The following ZCCHC17 variants were observed in gnomAD, a reference collection of about 807,000 sequenced individuals.
The protein encoded by ZCCHC17 is zinc finger CCHC domain-containing protein 17.
A neutral mutation model predicts 30.6 loss-of-function variants in ZCCHC17; 18 were observed. That is an observed-to-expected ratio of 0.59 (90% CI 0.41 to 0.87). The LOEUF is 0.87. Ranked by LOEUF, ZCCHC17 falls within the 40% of genes least tolerant of loss-of-function variation. The probability of loss-of-function intolerance (pLI) is 0.00; values close to 1 mark genes in which losing one functional copy is unlikely to be tolerated. For synonymous variants in ZCCHC17, 88 were observed against 92.4 expected (o/e 0.95, Z 0.27); for missense variants, 263 against 284.2 (o/e 0.93, Z 0.54).
rs927703498 is a variant in ZCCHC17 at position 31,319,643 on chromosome 1, A to G, written c.124+477A>G. 8.0e-4 allele frequency among the ~76,000 whole-genome samples: 122 copies of G among 152,164 alleles called. 1 individual carries two copies. Among genetic ancestry groups the G allele is most frequent in the Non-Finnish European group, 2.4e-4 (16 of 68,026 alleles). On this transcript the variant is annotated intron_variant, in intron 3 of 7. Transcript: ENST00000344147. ...TTTTTGAGAATCCTGTTATAAATCTATAATCTTATTTATTTACCAAAACTA... is the reference window on the plus strand; with the variant it reads ...TTTTTGAGAATCCTGTTATAAATCTGTAATCTTATTTATTTACCAAAACTA...
At chr1:31,360,449 G>A (rs1042708613) in intron 7 of ZCCHC17, among the ~76,000 whole-genome samples, 10 of 152,352 alleles carry the variant, frequency 6.6e-5, no homozygotes, top group East Asian at 3.9e-4. Context: ...GATCACAGGC[G>A]TGAGCCACCG....
At chr1:31,298,546 G>A (rs1286252726) in intron 1 of ZCCHC17, among the ~76,000 whole-genome samples, 1 of 151,982 alleles carries the variant, frequency 6.6e-6, no homozygotes, top group Non-Finnish European at 1.5e-5. Context: ...CACTGTGCCC[G>A]GCCAATTTTT....
intron 6 of ZCCHC17, 105 bp downstream of exon 6, chr1:31,346,845 G>C (rs1639293240): frequency 6.5e-7 from 1 of 1,548,724 alleles, no homozygotes; most frequent in African/African-American, 1.4e-5. Flanking sequence ...CTGTTTTTTA[G>C]CCAAGTGATG....
intron 3 of ZCCHC17, among the ~76,000 whole-genome samples, chr1:31,332,124 A>G (rs1638618667): frequency 6.6e-6 from 1 of 152,220 alleles, no homozygotes; most frequent in Non-Finnish European, 1.5e-5. Context: ...TAAGGAAAGT[A>G]TATCTTGTAT....
At chr1:31,313,068 CTTTTTT>C (rs59004055) in intron 2 of ZCCHC17, among the ~76,000 whole-genome samples, 6 of 113,486 alleles carry the variant, frequency 5.3e-5, no homozygotes, top group African/African-American at 1.3e-4. Flanking sequence ...CACTGGGCCT[CTTTTTT>C]TTTTTTTTTT....
chr1:31,311,935 C>G (rs1646614569), intron 2 of ZCCHC17, among the ~76,000 whole-genome samples: 1 of 152,172 alleles, frequency 6.6e-6, no homozygotes, highest in South Asian at 2.1e-4. Flanking sequence ...GAAGAGGCTA[C>G]AGAGAGCTGC....
intron 3 of ZCCHC17, among the ~76,000 whole-genome samples, chr1:31,336,234 A>G (rs1248129997): frequency 6.6e-6 from 1 of 152,014 alleles, no homozygotes. Flanking sequence ...CACCACGCCC[A>G]GGTAATTTTT....
At position 31,338,950 on chromosome 1, in the gene ZCCHC17, C is replaced by G; in HGVS notation, c.226-7C>G. The G allele has an allele frequency of 6.3e-7, 1 of 1,597,500 alleles. No individual in the cohort carries two copies. Among genetic ancestry groups the G allele is most frequent in the Non-Finnish European group, 8.5e-7 (1 of 1,175,340 alleles). On this transcript the variant is annotated splice_polypyrimidine_tract_variant and splice_region_variant and intron_variant, in intron 4 of 7. Transcript: ENST00000344147. ...AGTTTTTGGTGACTTTTTTTGGTCTCTTTCAGATGAAAAATGATAGAATAA... is the reference window on the plus strand; with the variant it reads ...AGTTTTTGGTGACTTTTTTTGGTCTGTTTCAGATGAAAAATGATAGAATAA...
chr1:31,310,172 C>G lies in ZCCHC17; in HGVS notation c.66+8C>G. ...ACTATTTTCCAAGGAGAGGTATATT[C>G]TTTTGTGCTTTGAAAACCCACCATT... is the stretch of plus-strand genomic sequence containing the variant. On this transcript the variant is annotated splice_region_variant and intron_variant, in intron 2 of 7. Transcript: ENST00000344147. The G allele has an allele frequency of 9.9e-6, 16 of 1,613,774 alleles. No homozygotes were observed. Among genetic ancestry groups the G allele is most frequent in the Non-Finnish European group, 1.4e-5 (16 of 1,179,894 alleles).
At chr1:31,330,410 C>A (rs567204808) in intron 3 of ZCCHC17, among the ~76,000 whole-genome samples, 9 of 152,124 alleles carry the variant, frequency 5.9e-5, no homozygotes, top group Non-Finnish European at 7.4e-5. Flanking sequence ...GCCTCTTGGG[C>A]ATTTATTTAT....
At chr1:31,309,085 G>A (rs1450635210) in intron 1 of ZCCHC17, among the ~76,000 whole-genome samples, 1 of 151,974 alleles carries the variant, frequency 6.6e-6, no homozygotes, top group East Asian at 1.9e-4. Context: ...CTTTCACAGT[G>A]TGTATGTGTT....
chr1:31,363,340 C>T (rs372597008), intron 7 of ZCCHC17, among the ~76,000 whole-genome samples: 33 of 152,220 alleles, frequency 2.2e-4, no homozygotes, highest in South Asian at 6.2e-4. Context: ...CCTGCCACCA[C>T]GCCTGGCTAA....
At chr1:31,302,088 C>A (rs1437576552) in intron 1 of ZCCHC17, among the ~76,000 whole-genome samples, 1 of 152,162 alleles carries the variant, frequency 6.6e-6, no homozygotes, top group African/African-American at 2.4e-5. Context: ...ATTAGCTGGG[C>A]ATGGTGTTGC....
chr1:31,301,739 T>C (rs1477203930), intron 1 of ZCCHC17, among the ~76,000 whole-genome samples: 1 of 152,242 alleles, frequency 6.6e-6, no homozygotes, highest in African/African-American at 2.4e-5. Flanking sequence ...ATTATTTCCA[T>C]AATTCCTTTA....
chr1:31,327,130 G>A (rs1569829514), intron 3 of ZCCHC17, among the ~76,000 whole-genome samples: 1 of 152,268 alleles, frequency 6.6e-6, no homozygotes, highest in African/African-American at 2.4e-5. Context: ...TATTCCTTAT[G>A]TTCTCTGATT....
chr1:31,299,287 T>C (rs1646247230), intron 1 of ZCCHC17, among the ~76,000 whole-genome samples: 1 of 151,856 alleles, frequency 6.6e-6, no homozygotes. Flanking sequence ...CACTGTGGAG[T>C]GTGGGAGAAT....
intron 2 of ZCCHC17, among the ~76,000 whole-genome samples, chr1:31,315,174 T>C (rs1415461463): frequency 1.3e-5 from 2 of 152,208 alleles, no homozygotes; most frequent in Non-Finnish European, 2.9e-5. Flanking sequence ...GGTAACTACT[T>C]CAAATTTATT....
At chr1:31,319,756 A>G (rs1479680098) in intron 3 of ZCCHC17, among the ~76,000 whole-genome samples, 2 of 152,152 alleles carry the variant, frequency 1.3e-5, no homozygotes, top group African/African-American at 2.4e-5. Flanking sequence ...CTAGAACCCA[A>G]TCCTTCTGAT....
chr1:31,349,822 A>G (rs1051463485), intron 7 of ZCCHC17, among the ~76,000 whole-genome samples: 1 of 152,156 alleles, frequency 6.6e-6, no homozygotes, highest in African/African-American at 2.4e-5. Flanking sequence ...TGGCTGTATG[A>G]TGATATATTT....
Sources: gnomAD v4.1 joint callset for allele counts (sites outside exome capture counted in the v4.1 genomes callset) on GRCh38, gnomAD v4.1.1 for gene constraint, MANE v1.5 for transcripts, NCBI Gene and HGNC (gene_info 2026-07-23, HGNC 2026-07-21) for gene names.